The following DOT1L variants were observed in gnomAD, a reference collection of about 807,000 sequenced individuals.
The protein encoded by DOT1L is histone-lysine N-methyltransferase, H3 lysine-79 specific.
Under a neutral mutation model 153.3 loss-of-function variants are expected in DOT1L, and 33 were observed. That is an observed-to-expected ratio of 0.22 (90% confidence interval 0.16 to 0.29). DOT1L has a LOEUF of 0.29. DOT1L is among the 10% of genes least tolerant of loss of function. The probability of loss-of-function intolerance (pLI) is 1.00; values close to 1 mark genes in which losing one functional copy is unlikely to be tolerated. For synonymous variants in DOT1L, 1,135 were observed against 965.1 expected (o/e 1.18, Z -3.26); for missense variants, 1,847 against 2,119.9 (o/e 0.87, Z 2.53).
chr19:2,224,424 A>G (rs1440088296), intron 25 of DOT1L, among the ~76,000 whole-genome samples: 3 of 148,532 alleles, frequency 2.0e-5, no homozygotes, highest in African/African-American at 7.4e-5. Flanking sequence ...TAGCCATCCG[A>G]GTCGTCGTGA....
In DOT1L at chr19:2,220,549, G is replaced by T. The variant is rs1024572501; in HGVS notation, c.2806+327G>T. The T allele has an allele frequency of 6.1e-6, 3 of 489,936 alleles. No homozygotes were observed. Among genetic ancestry groups the T allele is most frequent in the Admixed American group, 2.3e-5 (1 of 43,466 alleles). The allele number at this position is 489,936 out of a possible 1,614,324, so 30.3% of individuals were successfully genotyped here. ...CACAGCTGGGAGGCCCCTGACTCAG[G>T]ATCGGCTCCACACACAGCAGTGCCC... On this transcript the variant is annotated intron_variant, in intron 23 of 27. Transcript: ENST00000398665. This position sits in a 1 kb window ranked among gnomAD's most constrained non-coding sequence, Gnocchi z 4.5.
At chr19:2,164,665 C>T (rs967564423) in intron 1 of DOT1L, among the ~76,000 whole-genome samples, 43 of 149,966 alleles carry the variant, frequency 2.9e-4, no homozygotes, top group African/African-American at 9.5e-4. Flanking sequence ...GCATCCTTTC[C>T]TGTCTCCTCT....
At chr19:2,203,262 G>A (rs533662462) in intron 9 of DOT1L, among the ~76,000 whole-genome samples, 6 of 152,304 alleles carry the variant, frequency 3.9e-5, no homozygotes, top group African/African-American at 1.4e-4. Flanking sequence ...ACCATGCCTG[G>A]CTAATTTTTG....
intron 19 of DOT1L, chr19:2,215,879 G>A (rs1184900117): frequency 5.8e-6 from 1 of 172,520 alleles, no homozygotes; most frequent in Admixed American, 6.3e-5. Flanking sequence ...CAGGTAAACA[G>A]AACAGATAAA....
chr19:2,210,287 T>C (rs952521318), intron 12 of DOT1L, 113 bp from the exon 13 acceptor site: 6 of 928,260 alleles, frequency 6.5e-6, no homozygotes, highest in South Asian at 1.9e-5. Flanking sequence ...GGACTTGCAG[T>C]GGACAGAGTT....
chr19:2,169,214 C>T (rs1015485087), intron 1 of DOT1L, among the ~76,000 whole-genome samples: 1 of 152,084 alleles, frequency 6.6e-6, no homozygotes, highest in Non-Finnish European at 1.5e-5. Context: ...GGTGAGCTGT[C>T]CCCACCGTGA....
chr19:2,211,867 C>A, intron 16 of DOT1L, 25 bp downstream of exon 16: 1 of 1,542,604 alleles, frequency 6.5e-7, no homozygotes, highest in South Asian at 1.2e-5. Flanking sequence ...CCTTGGCATT[C>A]CGCCTTCCCG....
intron 1 of DOT1L, among the ~76,000 whole-genome samples, chr19:2,175,923 C>T (rs1052871011): frequency 6.6e-6 from 1 of 152,192 alleles, no homozygotes; most frequent in African/African-American, 2.4e-5. Flanking sequence ...CTGGGCTCTT[C>T]CGCACAGAGG....
chr19:2,223,528 G>T, intron 25 of DOT1L, 42 bp downstream of exon 25: 1 of 1,352,186 alleles, frequency 7.4e-7, no homozygotes, highest in Non-Finnish European at 9.8e-7. Flanking sequence ...CTGGCAGCAG[G>T]GGCAGGAGGT....
At chr19:2,225,293 C>A in intron 25 of DOT1L, 95 bp from the exon 26 acceptor site, 1 of 1,264,554 alleles carries the variant, frequency 7.9e-7, no homozygotes, top group Non-Finnish European at 1.2e-6. Flanking sequence ...TCGTTCACCA[C>A]CTCCGGAGCT....
chr19:2,227,190 C>T (rs777149117), intron 27 of DOT1L, 63 bp downstream of exon 27: 4 of 1,572,778 alleles, frequency 2.5e-6, no homozygotes, highest in South Asian at 2.2e-5. Flanking sequence ...CCTTCCTTTG[C>T]AGGTTCCCTT....
At position 2,217,648 on chromosome 19, in the gene DOT1L, A is replaced by G. The variant is rs1371267014; in HGVS notation, c.2545-124A>G. On this transcript the variant is annotated intron_variant, in intron 21 of 27. Coordinates refer to ENST00000398665, the MANE Select transcript of DOT1L (RefSeq NM_032482.3). This position sits in a 1 kb window ranked among gnomAD's most constrained non-coding sequence, Gnocchi z 7.3. Reference sequence around the variant, plus strand: ...GGCCTGACTGCGTGGGGAAGGTTGCAGGGCCTTGGCAGCGTGGGGGCCGCC... The same window carrying G: ...GGCCTGACTGCGTGGGGAAGGTTGCGGGGCCTTGGCAGCGTGGGGGCCGCC... 1.4e-6 allele frequency: 2 copies of G among 1,390,868 alleles called. No individual in the cohort carries two copies. The highest frequency in any genetic ancestry group is 1.9e-6 in the Non-Finnish European group (2 of 1,033,470). The allele number at this position is 1,390,868 out of a possible 1,614,324, so 86.2% of individuals were successfully genotyped here.
chr19:2,221,581 C>G, intron 23 of DOT1L: 1 of 217,676 alleles, frequency 4.6e-6, no homozygotes, highest in Non-Finnish European at 9.1e-6. Context: ...GAGTTGTCTT[C>G]TGAGAACAGG....
chr19:2,219,375 C>T (rs779116711), intron 22 of DOT1L, among the ~76,000 whole-genome samples: 6 of 152,222 alleles, frequency 3.9e-5, no homozygotes, highest in Non-Finnish European at 8.8e-5. Context: ...AAAAGCGTTG[C>T]CCGCCTCAGC....
In DOT1L at chr19:2,222,389, G is replaced by C. The variant is rs765918671; in HGVS notation, c.3220G>C (p.Asp1074His). 1 of 1,611,094 alleles carries C rather than the reference G, an allele frequency of 6.2e-7. No individual in the cohort carries two copies. The highest frequency in any genetic ancestry group is 8.5e-7 in the Non-Finnish European group (1 of 1,179,218). ...CCCCCTGACCGCCAGCGCCCGTGGG[G>C]ACTGTGTGCCGAGCCACGGGCAGGA... The part of the protein sequence containing the change: ...HSPLTASARG[D>H]CVPSHGQDSR... Residue 1074 changes from aspartate (D) to histidine (H), a missense_variant, in exon 24 of 28, where the codon GAC becomes CAC. Asp to His is a moderately conservative substitution (Grantham distance 81, BLOSUM62 -1). This residue lies in a region of DOT1L where 934 missense variants were observed against 825.3 expected (regional missense o/e 1.13). Coordinates refer to ENST00000398665, the MANE Select transcript of DOT1L (RefSeq NM_032482.3). The surrounding 1 kb of genome is among the most constrained non-coding windows in gnomAD (Gnocchi z 6.5).
intron 1 of DOT1L, among the ~76,000 whole-genome samples, chr19:2,165,645 C>A (rs1394819933): frequency 6.6e-6 from 1 of 152,268 alleles, no homozygotes; most frequent in Non-Finnish European, 1.5e-5. Context: ...CCACTTCTCT[C>A]TGTTGGGCTC....
chr19:2,163,951 C>G lies in DOT1L; in HGVS notation c.-234C>G, dbSNP rs909632710. 1.3e-5 allele frequency among the ~76,000 whole-genome samples: 2 copies of G among 149,690 alleles called. No individual in the cohort carries two copies. The highest frequency in any genetic ancestry group is 3.0e-5 in the Non-Finnish European group (2 of 66,986). ...CCGGCTCATTGTGCTCGCTTCACGCCGGCCCAAGATGGCGGAGGCGCTGGA... is the reference window on the plus strand; with the variant it reads ...CCGGCTCATTGTGCTCGCTTCACGCGGGCCCAAGATGGCGGAGGCGCTGGA... On this transcript the variant is annotated 5_prime_UTR_variant, in exon 1 of 28. Coordinates refer to ENST00000398665, the MANE Select transcript of DOT1L (RefSeq NM_032482.3).
rs2024284055 is a variant in DOT1L at position 2,225,372 on chromosome 19, C to T, written c.3597-16C>T. ...CAGCTGGGTTTCAAGCATTAATGAC[C>T]TTTTTTTCTTAACAGAATTGAGAGA... On this transcript the variant is annotated splice_polypyrimidine_tract_variant and intron_variant, in intron 25 of 27. Coordinates refer to ENST00000398665, the MANE Select transcript of DOT1L (RefSeq NM_032482.3). 6.2e-7 allele frequency: 1 copy of T among 1,613,094 alleles called. No individual in the cohort carries two copies. Among genetic ancestry groups the T allele is most frequent in the Non-Finnish European group, 8.5e-7 (1 of 1,179,086 alleles).
intron 25 of DOT1L, among the ~76,000 whole-genome samples, chr19:2,223,719 T>G (rs1250503154): frequency 6.6e-6 from 1 of 152,154 alleles, no homozygotes; most frequent in Non-Finnish European, 1.5e-5. Flanking sequence ...GGGCCATCGG[T>G]TAGAAGAGGC....
Sources: allele counts gnomAD v4.1 joint callset (sites outside exome capture counted in the v4.1 genomes callset), GRCh38; gene constraint gnomAD v4.1.1; regional missense constraint gnomAD v4.1.1; non-coding constraint Gnocchi (gnomAD v3.1); transcripts MANE v1.5; gene names NCBI Gene and HGNC (gene_info 2026-07-23, HGNC 2026-07-21).